Variants in FGD2 observed in about 807,000 individuals in gnomAD.
FGD2 encodes FYVE, RhoGEF and PH domain-containing protein 2.
FGD2 carries 52 observed loss-of-function variants against 75.9 expected under a neutral mutation model. The observed-to-expected ratio is 0.69, with a 90% CI of 0.55 to 0.86. FGD2 has a LOEUF of 0.86. Ranked by LOEUF, FGD2 falls within the 40% of genes least tolerant of loss-of-function variation. FGD2 has a pLI of 0.00. For missense variants in FGD2, 790 were observed against 872.0 expected (o/e 0.91, Z 1.18); for synonymous variants, 347 against 348.6 (o/e 1.00, Z 0.05).
In FGD2 at chr6:37,008,858, C is replaced by T. The variant is rs751400930; in HGVS notation, c.93C>T (p.Gly31=). The T allele has an allele frequency of 4.4e-6, 7 of 1,602,942 alleles. No individual in the cohort carries two copies. In the East Asian group the frequency reaches 1.6e-4, roughly 36 times the overall value. Residue 31 remains glycine (G), a synonymous_variant, in exon 2 of 16, where the codon GGC becomes GGT. Coordinates refer to ENST00000274963, the MANE Select transcript of FGD2 (RefSeq NM_173558.4). Reference sequence around the variant, plus strand: ...GGACCCCAGAAGCAGCACCCAGAGGCCAGAGGCTAGAGGACGTGCATCACC... The same window carrying T: ...GGACCCCAGAAGCAGCACCCAGAGGTCAGAGGCTAGAGGACGTGCATCACC... ...NSRTPEAAPR[G]QRLEDVHHRP...
In FGD2 at chr6:37,022,289, G is replaced by A; in HGVS notation, c.1377G>A (p.Lys459=). Residue 459 remains lysine, a synonymous_variant, in exon 13 of 16, where the codon AAG becomes AAA. Coordinates refer to ENST00000274963, the MANE Select transcript of FGD2 (RefSeq NM_173558.4). ...GLRAPQWVRD[K]MVTMCMRCQE... is the part of the protein sequence containing the mutation. ...GGGCACCGCAGTGGGTCCGGGACAA[G>A]ATGGTGACCATGTGCATGCGCTGCC... is the stretch of plus-strand genomic sequence containing the variant. 6.3e-7 allele frequency: 1 copy of A among 1,590,370 alleles called. No homozygotes were observed. The highest frequency in any genetic ancestry group is 8.5e-7 in the Non-Finnish European group (1 of 1,171,012).
chr6:37,011,849 C>T lies in FGD2; in HGVS notation c.522C>T (p.Asp174=), dbSNP rs756298412. ...FFLPELQRRL[D]DWTANPRIGD... The stretch of plus-strand genomic sequence containing the variant: ...TCCCAGAGCTGCAGCGGCGCCTGGA[C>T]GACTGGTGAGGTCCACCAGGAGCCC... The change falls in exon 4 of 16, where the codon GAC becomes GAT. Residue 174 remains aspartate, a synonymous_variant. Coordinates refer to ENST00000274963, the MANE Select transcript of FGD2 (RefSeq NM_173558.4). The T allele has an allele frequency of 2.4e-5, 39 of 1,613,544 alleles. 1 individual carries two copies. The highest frequency in any genetic ancestry group is 5.3e-5 in the African/African-American group (4 of 74,930).
Position 37,027,447 on chromosome 6 carries a change from C to A in FGD2, c.1624C>A (p.Pro542Thr). 1.9e-6 allele frequency: 3 copies of A among 1,611,948 alleles called. No individual in the cohort carries two copies. Among genetic ancestry groups the A allele is most frequent in the Non-Finnish European group, 2.5e-6 (3 of 1,178,370 alleles). ...GTTTTAGAAAGGGTCCTCAGCCACG[C>A]CTGACCAGAGCCTGATGTGCAGCTT... ...GILEKGSSAT[P>T]DQSLMCSFLQ... is the part of the protein sequence containing the mutation. Residue 542 changes from proline to threonine, a missense_variant, in exon 15 of 16, where the codon CCT (proline) becomes ACT (threonine). By Grantham distance (38) the Pro-to-Thr change is conservative (BLOSUM62 -1). Transcript: ENST00000274963.
At chr6:37,011,549 ACCTCCCCTG>A (rs1765004084) in intron 3 of FGD2, 148 bp from the exon 4 acceptor site, 1 of 1,013,292 alleles carries the variant, frequency 9.9e-7, no homozygotes, top group Admixed American at 2.2e-5. Context: ...CCAGAACACA[ACCTCCCCTG>A]CCTTCTTTTC....
intron 4 of FGD2, chr6:37,013,325 A>G (rs1765113012): frequency 7.4e-6 from 4 of 537,270 alleles, no homozygotes; most frequent in South Asian, 8.3e-5. Flanking sequence ...TTGTTACATA[A>G]TGAAGCACTG....
Position 37,028,158 on chromosome 6 carries a change from G to A in FGD2, c.1963G>A (p.Asp655Asn), listed in dbSNP as rs765593953. The change falls in exon 16 of 16, where the codon GAC (aspartate) becomes AAC (asparagine). Residue 655 changes from aspartate to asparagine, a missense_variant. Physicochemically the swap from Asp to Asn is conservative, Grantham distance 23 (BLOSUM62 1). Coordinates refer to ENST00000274963, the MANE Select transcript of FGD2 (RefSeq NM_173558.4). ...PSWPNDGDLS[D>N] ...CTGGCCCAACGATGGGGACCTGTCC[G>A]ACTGAGCCACTGCCAGCCGCTCTCC... The A allele has an allele frequency of 7.2e-5, 113 of 1,577,176 alleles. No individual in the cohort carries two copies. The highest frequency in any genetic ancestry group is 1.3e-4 in the Admixed American group (7 of 55,672).
chr6:37,028,030 T>A lies in FGD2; in HGVS notation c.1835T>A (p.Leu612Gln), dbSNP rs1183749881. 6.2e-7 allele frequency: 1 copy of A among 1,613,322 alleles called. No homozygotes were observed. The change falls in exon 16 of 16, where the codon CTA (leucine) becomes CAA (glutamine). Residue 612 changes from leucine (L) to glutamine (Q), a missense_variant. By Grantham distance (113) the Leu-to-Gln change is moderately radical. Coordinates refer to ENST00000274963, the MANE Select transcript of FGD2 (RefSeq NM_173558.4). ...CAGGGGGACCCTCGGGTCTTCCAGCTACAGCAGTCAGGCCAGCTCTACACC... is the reference window on the plus strand; with the variant it reads ...CAGGGGGACCCTCGGGTCTTCCAGCAACAGCAGTCAGGCCAGCTCTACACC... Reference protein sequence around the residue: ...GPQGDPRVFQLQQSGQLYTFK... With the variant: ...GPQGDPRVFQQQQSGQLYTFK...
intron 9 of FGD2, among the ~76,000 whole-genome samples, chr6:37,018,740 A>G (rs557879495): frequency 6.6e-6 from 1 of 152,358 alleles, no homozygotes; most frequent in East Asian, 1.9e-4. Context: ...CATAGATGGT[A>G]TATTTATAGT....
In FGD2 at chr6:37,028,187, C is replaced by A; in HGVS notation, c.*24C>A. 6.6e-7 allele frequency: 1 copy of A among 1,507,626 alleles called. No homozygotes were observed. The allele number at this position is 1,507,626 out of a possible 1,614,324, so 93.4% of individuals were successfully genotyped here. A position where few individuals can be genotyped will look rare whatever the true frequency, so the allele number is the denominator to read the frequency against. ...GAGCCACTGCCAGCCGCTCTCCTGC[C>A]CACCTCTCCCCACCCTGAACCCAGC... On this transcript the variant is annotated 3_prime_UTR_variant, in exon 16 of 16. Coordinates refer to ENST00000274963, the MANE Select transcript of FGD2 (RefSeq NM_173558.4).
intron 4 of FGD2, chr6:37,012,140 G>A: frequency 1.2e-5 from 4 of 341,694 alleles, no homozygotes; most frequent in Non-Finnish European, 2.1e-5. Flanking sequence ...CCAACTGAGG[G>A]CTTCCTACAC....
intron 2 of FGD2, 78 bp downstream of exon 2, chr6:37,009,143 C>G (rs970940898): frequency 2.6e-5 from 36 of 1,385,030 alleles, no homozygotes; most frequent in Non-Finnish European, 3.6e-5. Flanking sequence ...ACATGCTTTC[C>G]TAGCCAGAGC....
At chr6:37,027,747 C>A in intron 15 of FGD2, 172 bp downstream of exon 15, 1 of 1,063,106 alleles carries the variant, frequency 9.4e-7, no homozygotes, top group Non-Finnish European at 1.3e-6. Flanking sequence ...GAATTGTGCC[C>A]TGACTCTAGG....
intron 9 of FGD2, among the ~76,000 whole-genome samples, chr6:37,019,855 C>CTTTTTTTTTTT (rs11385767): frequency 7.3e-6 from 1 of 136,226 alleles, no homozygotes; most frequent in Non-Finnish European, 1.5e-5. Context: ...CTTTTCTTTT[C>CTTTTTTTTTTT]TTTTTTTTTT....
chr6:37,014,742 C>T (rs778009662), intron 7 of FGD2, 38 bp downstream of exon 7: 5 of 1,613,160 alleles, frequency 3.1e-6, no homozygotes, highest in South Asian at 1.1e-5. Flanking sequence ...CTGTCCCCCT[C>T]CCTGCAGGTC....
At position 37,005,832 on chromosome 6, in the gene FGD2, T is replaced by G. The variant is rs1764722781; in HGVS notation, c.15T>G (p.Ser5Arg). Residue 5 changes from serine (S) to arginine (R), a missense_variant, in exon 1 of 16, where the codon AGT (serine) becomes AGG (arginine). By Grantham distance (110) the Ser-to-Arg change is moderately radical (BLOSUM62 -1). Transcript: ENST00000274963. ...AAACCGGCAGGATGAAGGGGGCAAG[T>G]GAGGAGAAGCTGGCATCTGTGTCCA... MKGA[S>R]EEKLASVSNL... 1 of 1,613,692 alleles carries G rather than the reference T, an allele frequency of 6.2e-7. No individual in the cohort carries two copies. Among genetic ancestry groups the G allele is most frequent in the Non-Finnish European group, 8.5e-7 (1 of 1,179,958 alleles).
Position 37,014,705 on chromosome 6 carries a change from G to A in FGD2, c.882+1G>A, listed in dbSNP as rs1561931682. The A allele has an allele frequency of 2.0e-5, 32 of 1,614,028 alleles. No individual in the cohort carries two copies. The highest frequency in any genetic ancestry group is 2.7e-5 in the Non-Finnish European group (32 of 1,179,978). On this transcript the variant is annotated splice_donor_variant, in intron 7 of 15. Coordinates refer to ENST00000274963, the MANE Select transcript of FGD2 (RefSeq NM_173558.4). LOFTEE classifies it high-confidence loss of function. ...CTCCAATGCAGCCATCACTGAGATG[G>A]TAAGCAGCCCGCCCTCTCCTGGAGC...
rs183379781 is a variant in FGD2, at chr6:37,023,389, G to A, written c.1458+1019G>A. 410 of 153,232 alleles carry A rather than the reference G, an allele frequency of 2.7e-3. 3 individuals carry two copies. The highest frequency in any genetic ancestry group is 9.5e-3 in the African/African-American group (395 of 41,576). The allele number at this position is 153,232 out of a possible 1,614,324, so 9.5% of individuals were successfully genotyped here. A position where few individuals can be genotyped will look rare whatever the true frequency, so the allele number is the denominator to read the frequency against. The stretch of plus-strand genomic sequence containing the variant: ...ATAACTCAGGCAGGGCATCCAGTGC[G>A]GGTGAGCTACCAGCTTCTTGAGGAG... On this transcript the variant is annotated intron_variant, in intron 13 of 15. Coordinates refer to ENST00000274963, the MANE Select transcript of FGD2 (RefSeq NM_173558.4).
At chr6:37,010,500 C>T (rs1244024207) in intron 2 of FGD2, among the ~76,000 whole-genome samples, 1 of 152,224 alleles carries the variant, frequency 6.6e-6, no homozygotes, top group Non-Finnish European at 1.5e-5. Flanking sequence ...AGCGGGATCT[C>T]TCAAGTAGCT....
chr6:37,020,936 ATC>A lies in FGD2; in HGVS notation c.1233+199_1233+200del, dbSNP rs1352773099. 2.4e-4 allele frequency among the ~76,000 whole-genome samples: 32 copies of A among 131,392 alleles called. No individual in the cohort carries two copies. In the East Asian group the frequency reaches 2.5e-3, roughly 10 times the overall value. The allele number at this position is 131,392 out of a possible 152,430, so 86.2% of individuals were successfully genotyped here. A position where few individuals can be genotyped will look rare whatever the true frequency, so the allele number is the denominator to read the frequency against. ...TGCATGTGTGTATGCATGTGTGTGC[ATC>A]TGTGTGTGCATGTCTGTGTCTGTGT... On this transcript the variant is annotated intron_variant, in intron 11 of 15. Coordinates refer to ENST00000274963, the MANE Select transcript of FGD2 (RefSeq NM_173558.4).
Sources: gnomAD v4.1 joint callset for allele counts (sites outside exome capture counted in the v4.1 genomes callset) on GRCh38, gnomAD v4.1.1 for gene constraint, MANE v1.5 for transcripts, NCBI Gene and HGNC (gene_info 2026-07-23, HGNC 2026-07-21) for gene names.